Variants in OR10J1 observed in about 807,000 individuals in gnomAD.
The protein encoded by OR10J1 is olfactory receptor family 10 subfamily J member 1, also known as olfactory receptor 10J1.
For missense variants in OR10J1, 474 were observed against 376.6 expected (o/e 1.26, Z -2.14); for synonymous variants, 202 against 143.8 (o/e 1.40, Z -2.89).
chr1:159,434,060 AG>A, upstream of OR10J1, among the ~76,000 whole-genome samples: 1 of 152,190 alleles, frequency 6.6e-6, no homozygotes, highest in African/African-American at 2.4e-5. Flanking sequence ...TATCCTAGAT[AG>A]TAGTCATTAT....
the OR10J1 span, among the ~76,000 whole-genome samples, chr1:159,426,240 C>T: frequency 1.3e-5 from 2 of 151,700 alleles, no homozygotes; most frequent in Admixed American, 6.6e-5. Context: ...ATGGATTAAG[C>T]TAATTAATGG....
Position 159,440,635 on chromosome 1 carries a change from C to A in OR10J1, c.844C>A (p.Pro282Thr), listed in dbSNP as rs748637321. ...LISVTYTVIT[P>T]LLNPVVYTLR... ...CTCGGTGACCTACACTGTCATCACTCCCCTACTGAACCCTGTGGTATACAC... is the reference window on the plus strand; with the variant it reads ...CTCGGTGACCTACACTGTCATCACTACCCTACTGAACCCTGTGGTATACAC... The change falls in exon 1 of 1, where the codon CCC becomes ACC. Residue 282 changes from proline to threonine, a missense_variant. Coordinates refer to ENST00000423932, the MANE Select transcript of OR10J1 (RefSeq NM_012351.3). 5.0e-6 allele frequency: 8 copies of A among 1,613,742 alleles called. No homozygotes were observed. Among genetic ancestry groups the A allele is most frequent in the Non-Finnish European group, 5.9e-6 (7 of 1,179,974 alleles).
chr1:159,398,669 G>T, the OR10J1 span, among the ~76,000 whole-genome samples: 5 of 152,188 alleles, frequency 3.3e-5, no homozygotes, highest in African/African-American at 9.6e-5. Context: ...GAAGAAGAGA[G>T]AATTAGTGAG....
At chr1:159,420,374 TG>T in the OR10J1 span, among the ~76,000 whole-genome samples, 1 of 152,122 alleles carries the variant, frequency 6.6e-6, no homozygotes, top group African/African-American at 2.4e-5. Context: ...AATTGATTTC[TG>T]GTTGTTTTGT....
the OR10J1 span, among the ~76,000 whole-genome samples, chr1:159,402,405 G>A: frequency 2.0e-5 from 3 of 152,028 alleles, no homozygotes; most frequent in Admixed American, 6.6e-5. Flanking sequence ...AACAAATTCA[G>A]TAAACTTGCA....
chr1:159,427,003 G>A, the OR10J1 span, among the ~76,000 whole-genome samples: 1 of 151,890 alleles, frequency 6.6e-6, no homozygotes, highest in Non-Finnish European at 1.5e-5. Flanking sequence ...GAGAGACTGA[G>A]CAATATATCT....
chr1:159,434,749 C>G (rs1443548047), upstream of OR10J1, among the ~76,000 whole-genome samples: 1 of 152,044 alleles, frequency 6.6e-6, no homozygotes, highest in East Asian at 1.9e-4. Flanking sequence ...AATATCAACT[C>G]CCAGGGTTGC....
chr1:159,436,473 T>A (rs1404146101), upstream of OR10J1, among the ~76,000 whole-genome samples: 4 of 152,104 alleles, frequency 2.6e-5, no homozygotes, highest in African/African-American at 9.7e-5. Context: ...CCCCTCTAGA[T>A]CAGTCCCAAT....
At chr1:159,433,475 A>G (rs1021247897), upstream of OR10J1, among the ~76,000 whole-genome samples, 1 of 152,190 alleles carries the variant, frequency 6.6e-6, no homozygotes, top group Non-Finnish European at 1.5e-5. Context: ...AAGAATATAT[A>G]CTATCATATC....
the OR10J1 span, among the ~76,000 whole-genome samples, chr1:159,414,077 T>G: frequency 6.6e-6 from 1 of 152,052 alleles, no homozygotes; most frequent in Non-Finnish European, 1.5e-5. Context: ...TCAGTATTTA[T>G]CATTTCTATG....
chr1:159,405,891 T>A, the OR10J1 span: 21 of 614,118 alleles, frequency 3.4e-5, no homozygotes, highest in Non-Finnish European at 6.0e-5. Context: ...CAAACATAGA[T>A]GTTACTTGGA....
the OR10J1 span, among the ~76,000 whole-genome samples, chr1:159,403,328 C>A: frequency 6.6e-5 from 10 of 152,198 alleles, no homozygotes; most frequent in East Asian, 1.9e-3. Context: ...GAAGAGACAA[C>A]CCACAGAATG....
At chr1:159,400,343 A>G in the OR10J1 span, among the ~76,000 whole-genome samples, 1 of 151,924 alleles carries the variant, frequency 6.6e-6, no homozygotes, top group South Asian at 2.1e-4. Flanking sequence ...CACTTCACCT[A>G]TAGACACACA....
chr1:159,422,262 G>C, the OR10J1 span, among the ~76,000 whole-genome samples: 1 of 152,094 alleles, frequency 6.6e-6, no homozygotes, highest in Non-Finnish European at 1.5e-5. Context: ...GGAGAGACAG[G>C]GTGATCCCTA....
At chr1:159,438,311 T>G (rs1255553456), upstream of OR10J1, among the ~76,000 whole-genome samples, 2 of 152,174 alleles carry the variant, frequency 1.3e-5, no homozygotes, top group African/African-American at 4.8e-5. Context: ...AATGGGAACT[T>G]TATTGGTATT....
the OR10J1 span, chr1:159,432,630 A>G: frequency 2.2e-6 from 1 of 456,156 alleles, no homozygotes. Flanking sequence ...AAAGGCTTGT[A>G]TACAACTGGT....
the OR10J1 span, among the ~76,000 whole-genome samples, chr1:159,421,444 C>T: frequency 3.3e-5 from 5 of 152,110 alleles, no homozygotes. Context: ...TATGTTCCTT[C>T]AAAGGTGTTG....
chr1:159,415,356 CT>C, the OR10J1 span, among the ~76,000 whole-genome samples: 5 of 151,960 alleles, frequency 3.3e-5, no homozygotes, highest in Non-Finnish European at 7.4e-5. Context: ...TTCTTAGTGC[CT>C]TTGTCTAAAA....
At chr1:159,420,872 C>T in the OR10J1 span, among the ~76,000 whole-genome samples, 40 of 151,996 alleles carry the variant, frequency 2.6e-4, no homozygotes, top group Admixed American at 2.6e-3. Context: ...TACAACGTGC[C>T]ATGGAGACCT....
Sources: allele counts gnomAD v4.1 joint callset (sites outside exome capture counted in the v4.1 genomes callset), GRCh38; gene constraint gnomAD v4.1.1; transcripts MANE v1.5; gene names NCBI Gene and HGNC (gene_info 2026-07-23, HGNC 2026-07-21).